The following ZCWPW2 variants were observed in gnomAD, a reference collection of about 807,000 sequenced individuals.
The protein encoded by ZCWPW2 is zinc finger CW-type and PWWP domain containing 2.
In ZCWPW2, 45 loss-of-function variants were observed where a neutral mutation model predicts 46.6. The observed-to-expected ratio is 0.96, with a 90% CI of 0.76 to 1.24. The LOEUF (loss-of-function observed/expected upper bound fraction) is 1.24, where lower values mean the gene tolerates loss of function less well. Among genes scored for constraint, ZCWPW2 ranks in the 50% most tolerant of loss-of-function variants. ZCWPW2 has a pLI of 0.00. For missense variants in ZCWPW2, 429 were observed against 403.9 expected, an observed-to-expected ratio of 1.06 and a Z score of -0.53; for synonymous variants, 152 against 137.1, an observed-to-expected ratio of 1.11 and a Z score of -0.76.
At chr3:28,466,819 A>G (rs1698842854) in intron 4 of ZCWPW2, among the ~76,000 whole-genome samples, 1 of 152,132 alleles carries the variant, frequency 6.6e-6, no homozygotes, top group Admixed American at 6.6e-5. Context: ...AAAAATAAAA[A>G]TAAAACATGA....
intron 4 of ZCWPW2, chr3:28,478,280 C>G (rs934832048): frequency 1.7e-5 from 5 of 302,214 alleles, no homozygotes; most frequent in South Asian, 2.7e-5. Context: ...GTCTTACTCT[C>G]TCACCTAGAC....
At position 28,435,152 on chromosome 3, in the gene ZCWPW2, T is replaced by C. The variant is rs1469039334; in HGVS notation, c.375T>C (p.Tyr125=). The change falls in exon 4 of 10, where the codon TAT becomes TAC. Residue 125 remains tyrosine (Y), a synonymous_variant. Coordinates refer to ENST00000383768, the MANE Select transcript of ZCWPW2 (RefSeq NM_001040432.4). ...ILCPDRFKGK[Y]VTYDPDGNVE... is the part of the protein sequence containing the mutation. Reference sequence around the variant, plus strand: ...GCCCTGACCGTTTTAAAGGGAAATATGTAACTTATGACCCGGATGGAAATG... The same window carrying C: ...GCCCTGACCGTTTTAAAGGGAAATACGTAACTTATGACCCGGATGGAAATG... 10 of 1,613,160 alleles carry C rather than the reference T, an allele frequency of 6.2e-6. No homozygotes were observed. The highest frequency in any genetic ancestry group is 5.3e-5 in the African/African-American group (4 of 75,034).
intron 2 of ZCWPW2, among the ~76,000 whole-genome samples, chr3:28,398,983 G>T (rs2125725764): frequency 1.3e-5 from 2 of 152,278 alleles, no homozygotes; most frequent in South Asian, 4.1e-4. Flanking sequence ...GACTCTACAG[G>T]CGGGGAACAA....
chr3:28,503,946 T>C (rs1700213193), intron 6 of ZCWPW2, among the ~76,000 whole-genome samples: 1 of 152,022 alleles, frequency 6.6e-6, no homozygotes, highest in African/African-American at 2.4e-5. Flanking sequence ...CCATAATCCT[T>C]GCACTTTGGA....
At chr3:28,412,947 G>A (rs1394862772) in intron 2 of ZCWPW2, 109 bp from the exon 3 acceptor site, 3 of 765,466 alleles carry the variant, frequency 3.9e-6, no homozygotes, top group Non-Finnish European at 6.1e-6. Context: ...TAGAGAGGGG[G>A]TGGGCATAGA....
chr3:28,460,980 A>G (rs1041323934), intron 4 of ZCWPW2: 1 of 268,982 alleles, frequency 3.7e-6, no homozygotes, highest in Admixed American at 3.3e-5. Flanking sequence ...TATGAGATCT[A>G]TGACTTATAT....
intron 1 of ZCWPW2, among the ~76,000 whole-genome samples, chr3:28,368,685 C>A (rs1346416179): frequency 1.3e-5 from 2 of 152,072 alleles, no homozygotes; most frequent in Non-Finnish European, 2.9e-5. Context: ...CTCTATATTT[C>A]CTGAATTTGA....
chr3:28,370,111 A>G (rs1705270302), intron 1 of ZCWPW2, among the ~76,000 whole-genome samples: 1 of 152,182 alleles, frequency 6.6e-6, no homozygotes, highest in Non-Finnish European at 1.5e-5. Flanking sequence ...TTCCTGGGTG[A>G]GGTGATGCCT....
intron 6 of ZCWPW2, among the ~76,000 whole-genome samples, chr3:28,508,235 G>A (rs1202054535): frequency 1.3e-5 from 2 of 152,064 alleles, no homozygotes; most frequent in African/African-American, 4.8e-5. Flanking sequence ...CCTCCCATTA[G>A]GCCCCACATC....
At chr3:28,434,420 GA>G (rs1190287410) in intron 3 of ZCWPW2, among the ~76,000 whole-genome samples, 2 of 152,168 alleles carry the variant, frequency 1.3e-5, no homozygotes, top group East Asian at 1.9e-4. Flanking sequence ...AGAGAAAAAT[GA>G]AACATATCAA....
At chr3:28,380,753 C>T (rs1254797505) in intron 1 of ZCWPW2, among the ~76,000 whole-genome samples, 1 of 151,410 alleles carries the variant, frequency 6.6e-6, no homozygotes, top group Non-Finnish European at 1.5e-5. Context: ...TGGAATATGT[C>T]AGTGAGTCCT....
At chr3:28,489,134 A>C (rs535311912) in intron 5 of ZCWPW2, among the ~76,000 whole-genome samples, 1 of 152,152 alleles carries the variant, frequency 6.6e-6, no homozygotes, top group Non-Finnish European at 1.5e-5. Flanking sequence ...GAAAATTTAC[A>C]TAAGAATGAG....
intron 1 of ZCWPW2, among the ~76,000 whole-genome samples, chr3:28,386,555 G>C (rs1453521813): frequency 6.6e-6 from 1 of 152,022 alleles, no homozygotes; most frequent in African/African-American, 2.4e-5. Context: ...AAAATTATTA[G>C]CTAAAGTTTG....
intron 4 of ZCWPW2, among the ~76,000 whole-genome samples, chr3:28,444,402 G>A (rs936566305): frequency 6.6e-6 from 1 of 152,186 alleles, no homozygotes; most frequent in Non-Finnish European, 1.5e-5. Flanking sequence ...GTCTCAGGCA[G>A]TGTAGGGTTT....
chr3:28,417,566 A>G (rs1350143736), intron 3 of ZCWPW2, among the ~76,000 whole-genome samples: 7 of 151,170 alleles, frequency 4.6e-5, no homozygotes, highest in African/African-American at 1.7e-4. Context: ...CAACAAAAAA[A>G]GAGAATTTTA....
intron 1 of ZCWPW2, among the ~76,000 whole-genome samples, chr3:28,368,545 C>T (rs919344197): frequency 1.3e-5 from 2 of 152,170 alleles, no homozygotes; most frequent in African/African-American, 4.8e-5. Flanking sequence ...GTCTGATGGG[C>T]TTCCCTTTGT....
Position 28,472,222 on chromosome 3 carries a change from G to C in ZCWPW2, c.493-6592G>C, listed in dbSNP as rs146471259. Among the ~76,000 whole-genome samples, 32 of 152,070 alleles carry C rather than the reference G, an allele frequency of 2.1e-4. No individual in the cohort carries two copies. The East Asian group carries it at 5.6e-3, about 27-fold the overall frequency. On this transcript the variant is annotated intron_variant, in intron 4 of 9. Transcript: ENST00000383768. Reference sequence around the variant, plus strand: ...CATCCTTCACAGAAATAGAAAAAAAGAGTCCCAATATTTATATGTAACCAC... The same window carrying C: ...CATCCTTCACAGAAATAGAAAAAAACAGTCCCAATATTTATATGTAACCAC...
chr3:28,449,363 C>A (rs2125778115), intron 4 of ZCWPW2, among the ~76,000 whole-genome samples: 1 of 152,278 alleles, frequency 6.6e-6, no homozygotes, highest in South Asian at 2.1e-4. Context: ...AAAGGAAATT[C>A]TGACATGACA....
chr3:28,391,425 A>G (rs1409894476), intron 2 of ZCWPW2, among the ~76,000 whole-genome samples: 1 of 152,056 alleles, frequency 6.6e-6, no homozygotes, highest in Non-Finnish European at 1.5e-5. Context: ...CCACCCATGA[A>G]TGAAAATAGC....
Sources: allele counts gnomAD v4.1 joint callset (sites outside exome capture counted in the v4.1 genomes callset), GRCh38; gene constraint gnomAD v4.1.1; transcripts MANE v1.5; gene names NCBI Gene and HGNC (gene_info 2026-07-23, HGNC 2026-07-21).